Variants in NRG1 observed in about 807,000 individuals in gnomAD.
NRG1 encodes pro-neuregulin-1, membrane-bound isoform.
A neutral mutation model predicts 63.8 loss-of-function variants in NRG1; 18 were observed. That is an observed-to-expected ratio of 0.28 (90% confidence interval 0.19 to 0.42). The LOEUF (loss-of-function observed/expected upper bound fraction) is 0.42, where lower values mean the gene tolerates loss of function less well. Among genes scored for constraint, NRG1 ranks in the 10% least tolerant of loss-of-function variants. The probability of loss-of-function intolerance (pLI) is 1.00; values close to 1 mark genes in which losing one functional copy is unlikely to be tolerated. For synonymous variants in NRG1, 302 were observed against 301.3 expected (o/e 1.00, Z -0.02); for missense variants, 762 against 814.7 (o/e 0.94, Z 0.79).
chr8:32,411,361 C>G (rs1563426561), intron 1 of NRG1, among the ~76,000 whole-genome samples: 1 of 152,146 alleles, frequency 6.6e-6, no homozygotes, highest in Non-Finnish European at 1.5e-5. Context: ...TAGAGTAAAA[C>G]TTTATAAAGT....
chr8:32,735,516 G>A (rs1432866180), intron 6 of NRG1, among the ~76,000 whole-genome samples: 2 of 152,210 alleles, frequency 1.3e-5, no homozygotes, highest in East Asian at 1.9e-4. Context: ...GGCTGGTGAA[G>A]TGGATAAGGC....
At chr8:32,204,549 C>G (rs1843820254) in intron 1 of NRG1, among the ~76,000 whole-genome samples, 1 of 152,098 alleles carries the variant, frequency 6.6e-6, no homozygotes, top group Admixed American at 6.6e-5. Context: ...CTATAGTCCC[C>G]TCATTTGCAA....
chr8:32,494,463 A>T (rs572887675), intron 1 of NRG1, among the ~76,000 whole-genome samples: 3 of 152,112 alleles, frequency 2.0e-5, no homozygotes, highest in African/African-American at 4.8e-5. Context: ...CCATTTGTTA[A>T]TTTTTTTTAA....
At chr8:31,723,113 T>C (rs1288937164) in intron 1 of NRG1, among the ~76,000 whole-genome samples, 1 of 152,184 alleles carries the variant, frequency 6.6e-6, no homozygotes, top group Non-Finnish European at 1.5e-5. Context: ...TTAATCTTGA[T>C]CTTATAAAAT....
At chr8:31,974,950 G>A (rs374599459) in intron 1 of NRG1, among the ~76,000 whole-genome samples, 6 of 152,132 alleles carry the variant, frequency 3.9e-5, no homozygotes, top group East Asian at 3.9e-4. Flanking sequence ...CTTTCATGTC[G>A]CAGGGCACCT....
At chr8:32,448,894 G>A (rs1221205083) in intron 1 of NRG1, among the ~76,000 whole-genome samples, 3 of 152,152 alleles carry the variant, frequency 2.0e-5, no homozygotes, top group Non-Finnish European at 4.4e-5. Context: ...ATCCTCTGAA[G>A]TGTATGTGTG....
chr8:32,321,454 A>G (rs1801371444), intron 1 of NRG1, among the ~76,000 whole-genome samples: 1 of 150,434 alleles, frequency 6.6e-6, no homozygotes, highest in Non-Finnish European at 1.5e-5. Context: ...GTAAGATTAT[A>G]AAGGTTAGAA....
chr8:31,942,825 A>G (rs977844921), intron 1 of NRG1, among the ~76,000 whole-genome samples: 5 of 152,102 alleles, frequency 3.3e-5, no homozygotes, highest in African/African-American at 9.7e-5. Context: ...AATACAAATC[A>G]AAACCACTAT....
rs1846486393 is a variant in NRG1, at chr8:32,227,745, G to A, written c.38-368083G>A. ...AATCCATCATCAGAATACATACTTA[G>A]ACCCTCTCCCTTCTTTCTGGCCCCC... On this transcript the variant is annotated intron_variant, in intron 1 of 10. Coordinates refer to the NRG1 transcript ENST00000519301. 3.3e-5 allele frequency among the ~76,000 whole-genome samples: 5 copies of A among 152,220 alleles called. No homozygotes were observed. In the South Asian group the frequency reaches 1.0e-3, roughly 32 times the overall value.
At chr8:31,700,911 T>C (rs1291129899) in intron 1 of NRG1, among the ~76,000 whole-genome samples, 1 of 152,174 alleles carries the variant, frequency 6.6e-6, no homozygotes, top group Non-Finnish European at 1.5e-5. Flanking sequence ...TGTGGTAGAA[T>C]GAGGGACATT....
At chr8:32,168,104 A>G (rs1055703958) in intron 1 of NRG1, among the ~76,000 whole-genome samples, 1 of 152,132 alleles carries the variant, frequency 6.6e-6, no homozygotes, top group African/African-American at 2.4e-5. Flanking sequence ...ACATTCAATA[A>G]TCTGACGTGC....
intron 1 of NRG1, among the ~76,000 whole-genome samples, chr8:31,829,065 G>A (rs1030291595): frequency 6.6e-6 from 1 of 152,104 alleles, no homozygotes; most frequent in Admixed American, 6.5e-5. Flanking sequence ...TGCTTTCCAC[G>A]TAAACCCTGC....
chr8:32,015,167 AAATT>A (rs1815322465), intron 1 of NRG1, among the ~76,000 whole-genome samples: 1 of 152,132 alleles, frequency 6.6e-6, no homozygotes, highest in African/African-American at 2.4e-5. Context: ...TCTCATCGGT[AAATT>A]AATTATTTCT....
At chr8:32,437,941 AAC>A (rs1377271092) in intron 1 of NRG1, among the ~76,000 whole-genome samples, 2 of 152,188 alleles carry the variant, frequency 1.3e-5, no homozygotes, top group African/African-American at 2.4e-5. Context: ...TAAATTTTAA[AAC>A]AGTGTCTTCT....
At chr8:32,727,284 G>C (rs1348833130) in intron 5 of NRG1, among the ~76,000 whole-genome samples, 5 of 152,156 alleles carry the variant, frequency 3.3e-5, no homozygotes, top group Admixed American at 6.5e-5. Flanking sequence ...CATTTACAGT[G>C]ATATTAGACT....
chr8:31,710,027 T>A, intron 1 of NRG1, among the ~76,000 whole-genome samples: 1 of 151,868 alleles, frequency 6.6e-6, no homozygotes, highest in South Asian at 2.1e-4. Context: ...TTCTTTTAAA[T>A]TTTTTAATAA....
At chr8:32,253,152 T>G (rs1849312205) in intron 1 of NRG1, among the ~76,000 whole-genome samples, 1 of 152,200 alleles carries the variant, frequency 6.6e-6, no homozygotes, top group Admixed American at 6.5e-5. Flanking sequence ...CAGAGACAAT[T>G]TGACTTCCTC....
intron 1 of NRG1, among the ~76,000 whole-genome samples, chr8:32,532,268 A>G (rs936687381): frequency 2.0e-5 from 3 of 152,328 alleles, no homozygotes; most frequent in South Asian, 2.1e-4. Flanking sequence ...GCTTATATCC[A>G]TTTACTTATA....
At chr8:32,458,820 C>A (rs1821938735) in intron 1 of NRG1, among the ~76,000 whole-genome samples, 1 of 152,124 alleles carries the variant, frequency 6.6e-6, no homozygotes, top group Non-Finnish European at 1.5e-5. Flanking sequence ...CCAAATACAG[C>A]TAAAGGAGAG....
Sources: allele counts gnomAD v4.1 joint callset (sites outside exome capture counted in the v4.1 genomes callset), GRCh38; gene constraint gnomAD v4.1.1; transcripts MANE v1.5; gene names NCBI Gene and HGNC (gene_info 2026-07-23, HGNC 2026-07-21).